SCAF8: variants seen among roughly 807,000 people sequenced by gnomAD.
The protein encoded by SCAF8 is SR-related CTD associated factor 8, also known as SR-related and CTD-associated factor 8.
SCAF8 carries 23 observed loss-of-function variants against 140.5 expected under a neutral mutation model. The ratio of observed to expected loss-of-function variants is 0.16; its 90% CI spans 0.12 to 0.23. The LOEUF is 0.23. Ranked by LOEUF, SCAF8 falls within the 10% of genes least tolerant of loss-of-function variation. The pLI is 1.00. For synonymous variants in SCAF8, 575 were observed against 528.9 expected, an observed-to-expected ratio of 1.09 and a Z score of -1.20; for missense variants, 1,397 against 1,555.7, an observed-to-expected ratio of 0.90 and a Z score of 1.72.
intron 2 of SCAF8, among the ~76,000 whole-genome samples, chr6:154,776,301 A>G (rs1381719798): frequency 2.5e-5 from 1 of 39,988 alleles, no homozygotes; most frequent in East Asian, 0.015. Context: ...ATATATGTAT[A>G]TATATATATG....
In SCAF8 at chr6:154,733,570, G is replaced by C; in HGVS notation, c.-331G>C. On this transcript the variant is annotated 5_prime_UTR_variant, in exon 1 of 20. Transcript: ENST00000367178. ...GAGAGTGTAGGGGAAGGGGCTAGAG[G>C]GAGGGGGACCGAAACGGAGCGGGGC... 2 of 1,281,826 alleles carry C rather than the reference G, an allele frequency of 1.6e-6. No homozygotes were observed. The highest frequency in any genetic ancestry group is 2.0e-6 in the Non-Finnish European group (2 of 1,016,812). 79.4% of individuals were successfully genotyped at this position (1,281,826 alleles called of 1,614,324 possible). A position where few individuals can be genotyped will look rare whatever the true frequency, so the allele number is the denominator to read the frequency against.
chr6:154,752,585 A>G (rs974468229), intron 1 of SCAF8, among the ~76,000 whole-genome samples: 1 of 152,158 alleles, frequency 6.6e-6, no homozygotes, highest in African/African-American at 2.4e-5. Flanking sequence ...ATATTATAAC[A>G]TAATTTAATA....
At position 154,806,130 on chromosome 6, in the gene SCAF8, A is replaced by G. The variant is rs574518020; in HGVS notation, c.981+644A>G. On this transcript the variant is annotated intron_variant, in intron 9 of 19. Coordinates refer to ENST00000367178, the MANE Select transcript of SCAF8 (RefSeq NM_014892.5). ...TGTGCGGTTATTTTATGCATAGCTAAGAATTTTAAAACATCGATAACTAAA... is the reference window on the plus strand; with the variant it reads ...TGTGCGGTTATTTTATGCATAGCTAGGAATTTTAAAACATCGATAACTAAA... 2.6e-5 allele frequency among the ~76,000 whole-genome samples: 4 copies of G among 152,332 alleles called. No homozygotes were observed. In the East Asian group the frequency reaches 7.7e-4, roughly 29 times the overall value.
intron 2 of SCAF8, among the ~76,000 whole-genome samples, chr6:154,775,489 T>TG (rs747299153): frequency 4.0e-4 from 61 of 152,210 alleles, no homozygotes; most frequent in Admixed American, 2.6e-3. Flanking sequence ...ATAGAGTTAA[T>TG]GAGGTATAGG....
chr6:154,813,754 T>TA (rs1433442354), intron 12 of SCAF8, among the ~76,000 whole-genome samples: 1 of 152,132 alleles, frequency 6.6e-6, no homozygotes, highest in Non-Finnish European at 1.5e-5. Flanking sequence ...CCAGTTTAAT[T>TA]ACACGGGTAC....
Position 154,764,385 on chromosome 6 carries a change from A to G in SCAF8, c.31-9604A>G, listed in dbSNP as rs142097942. ...AAGGACAGGTGAAGACTGGTAGGTT[A>G]TTTCAATCTCTGAGGTCAGATGAGC... is the stretch of plus-strand genomic sequence containing the variant. On this transcript the variant is annotated intron_variant, in intron 1 of 19. Transcript: ENST00000367178. Among the ~76,000 whole-genome samples the G allele has an allele frequency of 2.5e-3, 381 of 151,650 alleles. 3 individuals carry two copies. Among genetic ancestry groups the G allele is most frequent in the African/African-American group, 8.5e-3 (352 of 41,284 alleles).
At chr6:154,759,313 T>C (rs953976397) in intron 1 of SCAF8, among the ~76,000 whole-genome samples, 5 of 152,206 alleles carry the variant, frequency 3.3e-5, no homozygotes, top group Non-Finnish European at 5.9e-5. Context: ...ATTTGTGTGT[T>C]GAATTAAAGG....
chr6:154,817,561 G>A (rs1778290146), intron 13 of SCAF8, among the ~76,000 whole-genome samples: 1 of 152,124 alleles, frequency 6.6e-6, no homozygotes, highest in Admixed American at 6.5e-5. Flanking sequence ...ATTTTCCAGT[G>A]GGTTGGTGAG....
At chr6:154,810,693 G>A (rs1316874556) in intron 12 of SCAF8, among the ~76,000 whole-genome samples, 1 of 152,150 alleles carries the variant, frequency 6.6e-6, no homozygotes, top group African/African-American at 2.4e-5. Flanking sequence ...CGTATGATTA[G>A]AACAGATTCG....
rs754201340 is a variant in SCAF8 at position 154,830,952 on chromosome 6, C to T, written c.2171C>T (p.Pro724Leu). The change falls in exon 19 of 20, where the codon CCG (proline) becomes CTG (leucine). Residue 724 changes from proline to leucine, a missense_variant. Coordinates refer to ENST00000367178, the MANE Select transcript of SCAF8 (RefSeq NM_014892.5). ...GTGCAGCCGTCATTATCCATGACAC[C>T]GGAAACTGTGAAAGATGTTGGATTT... ...SLVQPSLSMTPETVKDVGFGS... is the reference protein window; with the variant it reads ...SLVQPSLSMTLETVKDVGFGS... 19 of 1,613,914 alleles carry T rather than the reference C, an allele frequency of 1.2e-5. No individual in the cohort carries two copies. The highest frequency in any genetic ancestry group is 8.3e-5 in the Admixed American group (5 of 59,998).
At chr6:154,797,173 A>G (rs1339799234) in intron 6 of SCAF8, among the ~76,000 whole-genome samples, 1 of 143,798 alleles carries the variant, frequency 7.0e-6, no homozygotes, top group Non-Finnish European at 1.6e-5. Context: ...TAATTTTTTT[A>G]AAAACTAACT....
intron 1 of SCAF8, among the ~76,000 whole-genome samples, chr6:154,752,789 A>G (rs1207737966): frequency 6.6e-6 from 1 of 152,120 alleles, no homozygotes; most frequent in African/African-American, 2.4e-5. Context: ...TGGTGCAGTC[A>G]TGTCTTGCAG....
intron 7 of SCAF8, among the ~76,000 whole-genome samples, chr6:154,803,011 G>A (rs1416217820): frequency 6.6e-6 from 1 of 152,050 alleles, no homozygotes; most frequent in Non-Finnish European, 1.5e-5. Context: ...CTTGGAAGTG[G>A]TGTTCATATT....
intron 5 of SCAF8, among the ~76,000 whole-genome samples, chr6:154,794,319 G>A (rs1777522094): frequency 6.6e-6 from 1 of 151,940 alleles, no homozygotes; most frequent in African/African-American, 2.4e-5. Flanking sequence ...CTGAATTTTT[G>A]TCTCTAAAGT....
At chr6:154,797,042 C>T (rs992037559) in intron 6 of SCAF8, among the ~76,000 whole-genome samples, 4 of 149,926 alleles carry the variant, frequency 2.7e-5, no homozygotes, top group South Asian at 4.2e-4. Context: ...GATTAATTTT[C>T]GATAACATTT....
rs748757201 is a variant in SCAF8 at position 154,788,003 on chromosome 6, G to A, written c.302G>A (p.Arg101His). The A allele has an allele frequency of 1.3e-5, 21 of 1,606,196 alleles. No homozygotes were observed. Among genetic ancestry groups the A allele is most frequent in the South Asian group, 3.4e-5 (3 of 88,938 alleles). The change falls in exon 4 of 20, where the codon CGT becomes CAT. Residue 101 changes from arginine (R) to histidine (H), a missense_variant. Arg to His is a conservative substitution (Grantham distance 29). Coordinates refer to ENST00000367178, the MANE Select transcript of SCAF8 (RefSeq NM_014892.5). ...ATTAGCACTTTCCAGAATTTATATC[G>A]TTGCCCTGGGGATGACAAGGTATGC... is the stretch of plus-strand genomic sequence containing the variant. Reference protein sequence around the residue: ...NIISTFQNLYRCPGDDKSKIV... With the variant: ...NIISTFQNLYHCPGDDKSKIV...
chr6:154,810,786 T>A (rs1346983004), intron 12 of SCAF8, among the ~76,000 whole-genome samples: 1 of 152,066 alleles, frequency 6.6e-6, no homozygotes, highest in African/African-American at 2.4e-5. Context: ...TAAGTTTTAA[T>A]TAGTGCCAAA....
At chr6:154,786,235 G>A (rs1777254636) in intron 3 of SCAF8, among the ~76,000 whole-genome samples, 1 of 152,240 alleles carries the variant, frequency 6.6e-6, no homozygotes, top group Admixed American at 6.5e-5. Context: ...TGGAATCATA[G>A]GGAGGTCCAA....
Position 154,833,332 on chromosome 6 carries a change from T to C in SCAF8, c.3753T>C (p.Ser1251=). 1 of 1,613,612 alleles carries C rather than the reference T, an allele frequency of 6.2e-7. No individual in the cohort carries two copies. Among genetic ancestry groups the C allele is most frequent in the Non-Finnish European group, 8.5e-7 (1 of 1,179,848 alleles). The part of the protein sequence containing the change: ...TSSNEINKEK[S]DTVADIESEP... ...CAAATGAAATAAACAAGGAGAAGAG[T>C]GACACAGTTGCTGATATAGAAAGTG... Residue 1251 remains serine (S), a synonymous_variant, in exon 20 of 20, where the codon AGT becomes AGC. Transcript: ENST00000367178.
Sources: gnomAD v4.1 joint callset for allele counts (sites outside exome capture counted in the v4.1 genomes callset) on GRCh38, gnomAD v4.1.1 for gene constraint, MANE v1.5 for transcripts, NCBI Gene and HGNC (gene_info 2026-07-23, HGNC 2026-07-21) for gene names.